Variants in ACTA2 observed in about 807,000 individuals in gnomAD.
ACTA2 encodes the protein actin alpha 2, smooth muscle.
In ACTA2, 12 loss-of-function variants were observed where a neutral mutation model predicts 39.5. That is an observed-to-expected ratio of 0.30 (90% CI 0.19 to 0.49). ACTA2 has a LOEUF of 0.49. Among genes scored for constraint, ACTA2 ranks in the 20% least tolerant of loss-of-function variants. ACTA2 has a pLI of 0.99. For missense variants in ACTA2, 236 were observed against 498.8 expected, an observed-to-expected ratio of 0.47 and a Z score of 5.02; for synonymous variants, 158 against 180.6, an observed-to-expected ratio of 0.88 and a Z score of 1.00.
intron 1 of ACTA2, among the ~76,000 whole-genome samples, chr10:88,968,156 A>G (rs954999463): frequency 6.6e-6 from 1 of 152,302 alleles, no homozygotes; most frequent in South Asian, 2.1e-4. Flanking sequence ...TATTTTGCAT[A>G]TTTAATTTGT....
At chr10:88,936,489 C>T (rs974845378) in intron 8 of ACTA2, among the ~76,000 whole-genome samples, 1 of 152,064 alleles carries the variant, frequency 6.6e-6, no homozygotes, top group Non-Finnish European at 1.5e-5. Flanking sequence ...CTTAGGACAT[C>T]TCCTTGGTGA....
Position 88,947,394 on chromosome 10 carries a change from G to A in ACTA2, c.130-8C>T. The A allele has an allele frequency of 6.2e-7, 1 of 1,613,736 alleles. No individual in the cohort carries two copies. The highest frequency in any genetic ancestry group is 8.5e-7 in the Non-Finnish European group (1 of 1,179,808). Reference sequence around the variant, plus strand: ...CATTCCCACCATCACCCCCTAAAAAGGTTCAACACATTATGAGTCAGCATC... The same window carrying A: ...CATTCCCACCATCACCCCCTAAAAAAGTTCAACACATTATGAGTCAGCATC... On this transcript the variant is annotated splice_polypyrimidine_tract_variant and splice_region_variant and intron_variant, in intron 2 of 8. Transcript: ENST00000224784.
At chr10:88,948,038 T>G (rs1272762068) in intron 2 of ACTA2, among the ~76,000 whole-genome samples, 1 of 152,152 alleles carries the variant, frequency 6.6e-6, no homozygotes, top group Admixed American at 6.5e-5. Context: ...TGCACTGCAG[T>G]GACTATTTTA....
At chr10:88,944,610 C>T (rs1265085454) in intron 3 of ACTA2, among the ~76,000 whole-genome samples, 5 of 152,216 alleles carry the variant, frequency 3.3e-5, no homozygotes, top group Non-Finnish European at 7.3e-5. Context: ...ACCCTCTTTG[C>T]TCTCGAGGGA....
chr10:88,940,282 C>T (rs577209985), intron 6 of ACTA2: 5 of 162,838 alleles, frequency 3.1e-5, no homozygotes, highest in South Asian at 3.2e-4. Context: ...GAACGAGATA[C>T]GGAAGAAGTG....
At position 88,990,541 on chromosome 10, in the gene ACTA2, C is replaced by A. The variant is rs777366435; in HGVS notation, c.-24+398G>T. Reference sequence around the variant, plus strand: ...TGACTTCTCCCCCTCCCTACCCGCGCGCAGGCCAAGTTGCTGAATCAATGG... The same window carrying A: ...TGACTTCTCCCCCTCCCTACCCGCGAGCAGGCCAAGTTGCTGAATCAATGG... On this transcript the variant is annotated intron_variant, in intron 1 of 4. Coordinates refer to the ACTA2 transcript ENST00000415557. The surrounding 1 kb of genome is among the most constrained non-coding windows in gnomAD (Gnocchi z 4.9). The A allele has an allele frequency of 3.2e-6, 2 of 623,132 alleles. No individual in the cohort carries two copies. The highest frequency in any genetic ancestry group is 6.0e-6 in the Non-Finnish European group (2 of 334,896). 38.6% of individuals were successfully genotyped at this position (623,132 alleles called of 1,614,324 possible).
chr10:88,966,450 G>A (rs1481792604), intron 1 of ACTA2, among the ~76,000 whole-genome samples: 1 of 151,950 alleles, frequency 6.6e-6, no homozygotes, highest in African/African-American at 2.4e-5. Flanking sequence ...TAAGTGTGTG[G>A]GCCTATTATT....
At chr10:88,983,177 T>G (rs1182298021) in intron 1 of ACTA2, among the ~76,000 whole-genome samples, 1 of 152,190 alleles carries the variant, frequency 6.6e-6, no homozygotes, top group Non-Finnish European at 1.5e-5. Flanking sequence ...TCAATCCAAT[T>G]TGCATGGCTA....
At chr10:88,948,269 G>A (rs1023178262) in intron 2 of ACTA2, 1 of 162,238 alleles carries the variant, frequency 6.2e-6, no homozygotes, top group Non-Finnish European at 1.4e-5. Flanking sequence ...AATTTCTGAG[G>A]TGAAATTACT....
intron 3 of ACTA2, among the ~76,000 whole-genome samples, chr10:88,944,584 G>C (rs199514781): frequency 6.6e-6 from 1 of 152,144 alleles, no homozygotes. Flanking sequence ...AGGGCTCTCT[G>C]ACTCTTGCCT....
At position 88,941,657 on chromosome 10, in the gene ACTA2, T is replaced by C. The variant is rs1347799688; in HGVS notation, c.454+128A>G. 4 of 931,170 alleles carry C rather than the reference T, an allele frequency of 4.3e-6. No individual in the cohort carries two copies. In the East Asian group the frequency reaches 1.1e-4, roughly 24 times the overall value. The allele number at this position is 931,170 out of a possible 1,614,324, so 57.7% of individuals were successfully genotyped here. A position where few individuals can be genotyped will look rare whatever the true frequency, so the allele number is the denominator to read the frequency against. On this transcript the variant is annotated intron_variant, in intron 5 of 8. Coordinates refer to ENST00000224784, the MANE Select transcript of ACTA2 (RefSeq NM_001613.4). ...ATTTTGAACACTAGAAGAAGATCTT[T>C]TAGGGCTGGGTTCAGCCGTGTCCAT... is the stretch of plus-strand genomic sequence containing the variant.
At chr10:88,949,594 G>A (rs550290103) in intron 1 of ACTA2, among the ~76,000 whole-genome samples, 45 of 152,210 alleles carry the variant, frequency 3.0e-4, no homozygotes, top group African/African-American at 8.7e-4. Flanking sequence ...ATTATCCACC[G>A]TTAATAAAAG....
At chr10:88,978,728 C>T (rs1005339658) in intron 1 of ACTA2, among the ~76,000 whole-genome samples, 5 of 152,134 alleles carry the variant, frequency 3.3e-5, no homozygotes, top group Non-Finnish European at 7.3e-5. Context: ...GTCTGGGTCA[C>T]CCTGAGAGGG....
At chr10:88,982,447 G>A (rs1200938690) in intron 1 of ACTA2, among the ~76,000 whole-genome samples, 1 of 151,222 alleles carries the variant, frequency 6.6e-6, no homozygotes, top group African/African-American at 2.4e-5. Flanking sequence ...TTTGAAATGA[G>A]GAAAGGAAGA....
intron 1 of ACTA2, among the ~76,000 whole-genome samples, chr10:88,988,288 AC>A (rs1846967970): frequency 6.6e-6 from 1 of 152,252 alleles, no homozygotes; most frequent in Non-Finnish European, 1.5e-5. Flanking sequence ...ATGGATATAC[AC>A]TATAGCTGGG....
chr10:88,945,543 TG>T (rs372058525), intron 3 of ACTA2, among the ~76,000 whole-genome samples: 15 of 152,354 alleles, frequency 9.8e-5, no homozygotes, highest in African/African-American at 3.6e-4. Flanking sequence ...CTCTGATCAC[TG>T]GTGTCTGTAA....
chr10:88,960,502 G>A (rs573268746), intron 1 of ACTA2, among the ~76,000 whole-genome samples: 4 of 152,118 alleles, frequency 2.6e-5, no homozygotes, highest in Non-Finnish European at 4.4e-5. Flanking sequence ...GCATATTGGA[G>A]GAGAAAAAAG....
chr10:88,946,987 C>T (rs930070193), intron 3 of ACTA2: 7 of 306,266 alleles, frequency 2.3e-5, no homozygotes, highest in Admixed American at 4.7e-5. Context: ...TGAGAACATG[C>T]GGTGTTTGGT....
chr10:88,985,919 T>C (rs1311120433), intron 1 of ACTA2, among the ~76,000 whole-genome samples: 2 of 152,232 alleles, frequency 1.3e-5, no homozygotes, highest in African/African-American at 4.8e-5. Flanking sequence ...ACAATTTTTA[T>C]TGGCATGCAG....
Sources: gnomAD v4.1 joint callset for allele counts (sites outside exome capture counted in the v4.1 genomes callset) on GRCh38, gnomAD v4.1.1 for gene constraint, Gnocchi (gnomAD v3.1) non-coding constraint, MANE v1.5 for transcripts, NCBI Gene and HGNC (gene_info 2026-07-23, HGNC 2026-07-21) for gene names.